The following ADGRV1 variants were observed in gnomAD, a reference collection of about 807,000 sequenced individuals.
ADGRV1 encodes adhesion G protein-coupled receptor V1, also known as G-protein coupled receptor 98.
Under a neutral mutation model 596.2 loss-of-function variants are expected in ADGRV1, and 359 were observed. The ratio of observed to expected loss-of-function variants is 0.60; its 90% CI spans 0.55 to 0.66. The LOEUF is 0.66. Among genes scored for constraint, ADGRV1 ranks in the 30% least tolerant of loss-of-function variants. The pLI is 0.00. For missense variants in ADGRV1, 7,274 were observed against 7,575.6 expected, an observed-to-expected ratio of 0.96 and a Z score of 1.48; for synonymous variants, 2,681 against 2,679.2, an observed-to-expected ratio of 1.00 and a Z score of -0.02.
chr5:91,088,524 A>G (rs181759591), intron 86 of ADGRV1, among the ~76,000 whole-genome samples: 59 of 152,266 alleles, frequency 3.9e-4, no homozygotes, highest in African/African-American at 1.3e-3. Context: ...CCATTTGGGA[A>G]GCTTAGGAAG....
chr5:90,889,845 T>A (rs1770642440), intron 83 of ADGRV1, among the ~76,000 whole-genome samples: 1 of 152,134 alleles, frequency 6.6e-6, no homozygotes, highest in African/African-American at 2.4e-5. Context: ...ACTGACACAT[T>A]TGATAGGAAG....
intron 1 of ADGRV1, among the ~76,000 whole-genome samples, chr5:90,609,811 T>A (rs1762526993): frequency 6.6e-6 from 1 of 152,028 alleles, no homozygotes; most frequent in African/African-American, 2.4e-5. Flanking sequence ...ATGCGTTCAT[T>A]CAATTCTGCA....
intron 86 of ADGRV1, among the ~76,000 whole-genome samples, chr5:91,092,246 C>G (rs938746078): frequency 2.0e-5 from 3 of 152,054 alleles, no homozygotes; most frequent in Non-Finnish European, 4.4e-5. Flanking sequence ...ATTACAGGTG[C>G]CTGCCACCAG....
intron 75 of ADGRV1, among the ~76,000 whole-genome samples, chr5:90,821,670 C>G (rs572770227): frequency 6.6e-6 from 1 of 151,730 alleles, no homozygotes. Context: ...TTGGAATAGC[C>G]TGCCGTGTGA....
chr5:90,681,928 G>A (rs951766020), intron 27 of ADGRV1, among the ~76,000 whole-genome samples: 4 of 150,868 alleles, frequency 2.7e-5, no homozygotes, highest in South Asian at 2.1e-4. Flanking sequence ...GTGCAATGGC[G>A]TGATCTCAGC....
intron 85 of ADGRV1, among the ~76,000 whole-genome samples, chr5:90,992,500 A>G (rs1036900196): frequency 6.6e-6 from 1 of 152,230 alleles, no homozygotes; most frequent in Non-Finnish European, 1.5e-5. Flanking sequence ...TAGGTGTAAA[A>G]AGAACTTTAT....
chr5:91,078,454 C>G (rs1175569670), intron 86 of ADGRV1, among the ~76,000 whole-genome samples: 1 of 152,216 alleles, frequency 6.6e-6, no homozygotes, highest in Non-Finnish European at 1.5e-5. Flanking sequence ...CTCCTCACAT[C>G]AAAGGATGGA....
At chr5:91,135,979 A>G (rs1396186194) in intron 87 of ADGRV1, among the ~76,000 whole-genome samples, 1 of 152,128 alleles carries the variant, frequency 6.6e-6, no homozygotes, top group African/African-American at 2.4e-5. Flanking sequence ...GGGAACCACA[A>G]GTCCACGGGG....
intron 82 of ADGRV1, among the ~76,000 whole-genome samples, chr5:90,863,362 G>T (rs1046768212): frequency 2.6e-4 from 39 of 152,248 alleles, no homozygotes; most frequent in Admixed American, 2.4e-3. Flanking sequence ...AGTCATTGTG[G>T]AGAAAATAGC....
rs1020567583 is a variant in ADGRV1, at chr5:90,753,774, T to C, written c.11322T>C (p.Phe3774=). The change falls in exon 54 of 90, where the codon TTT becomes TTC. Residue 3774 remains phenylalanine (F), a synonymous_variant. Coordinates refer to ENST00000405460, the MANE Select transcript of ADGRV1 (RefSeq NM_032119.4). ...CAACTTTGCCCAATGACTCACCTTT[T>C]GGCTTGGTGGGCTGGCGTGCTGCGT... The part of the protein sequence containing the change: ...VITTLPNDSP[F]GLVGWRAASV... 4 of 1,613,122 alleles carry C rather than the reference T, an allele frequency of 2.5e-6. No homozygotes were observed. Among genetic ancestry groups the C allele is most frequent in the Non-Finnish European group, 3.4e-6 (4 of 1,179,458 alleles).
chr5:90,760,840 C>G (rs1277513244), intron 58 of ADGRV1, among the ~76,000 whole-genome samples: 1 of 152,076 alleles, frequency 6.6e-6, no homozygotes, highest in Non-Finnish European at 1.5e-5. Flanking sequence ...ATATTTGGTA[C>G]CTAGTACTAA....
intron 75 of ADGRV1, among the ~76,000 whole-genome samples, chr5:90,819,439 A>T (rs1483288816): frequency 6.6e-6 from 1 of 150,422 alleles, no homozygotes; most frequent in Non-Finnish European, 1.5e-5. Flanking sequence ...GATTTTAGTT[A>T]TTTCTTGCCT....
rs181992059 is a variant in ADGRV1, at chr5:91,119,921, C to T, written c.18432+17581C>T. ...AGCACTTTGGCTTTGCTTGGCCTTT[C>T]GGACCCTTTTGGCAAAGGAAAATGG... is the stretch of plus-strand genomic sequence containing the variant. On this transcript the variant is annotated intron_variant, in intron 87 of 89. Coordinates refer to ENST00000405460, the MANE Select transcript of ADGRV1 (RefSeq NM_032119.4). Among the ~76,000 whole-genome samples, 127 of 152,306 alleles carry T rather than the reference C, an allele frequency of 8.3e-4. 1 individual carries two copies. The highest frequency in any genetic ancestry group is 6.6e-3 in the East Asian group (34 of 5,178).
intron 1 of ADGRV1, among the ~76,000 whole-genome samples, chr5:90,610,221 T>C (rs1762576285): frequency 6.6e-6 from 1 of 151,960 alleles, no homozygotes; most frequent in Non-Finnish European, 1.5e-5. Flanking sequence ...TAATGACACG[T>C]TGTTGATGAA....
intron 25 of ADGRV1, among the ~76,000 whole-genome samples, chr5:90,678,171 A>G (rs574653039): frequency 1.3e-5 from 2 of 152,144 alleles, no homozygotes; most frequent in Admixed American, 1.3e-4. Context: ...GTATATTCCC[A>G]TCCTATTGAC....
At chr5:90,720,009 CTG>C in intron 43 of ADGRV1, 37 bp from the exon 44 acceptor site, 2 of 1,533,456 alleles carry the variant, frequency 1.3e-6, no homozygotes, top group Non-Finnish European at 1.8e-6. Flanking sequence ...TACAAAAATA[CTG>C]TATTCTAGTA....
At chr5:91,010,608 G>C (rs554852380) in intron 85 of ADGRV1, among the ~76,000 whole-genome samples, 1 of 152,062 alleles carries the variant, frequency 6.6e-6, no homozygotes, top group South Asian at 2.1e-4. Flanking sequence ...TTAAATGACA[G>C]TCACCCCATA....
At chr5:90,706,425 G>A in intron 38 of ADGRV1, 31 bp downstream of exon 38, 1 of 1,504,114 alleles carries the variant, frequency 6.6e-7, no homozygotes, top group Non-Finnish European at 8.9e-7. Flanking sequence ...TAATCTTAGG[G>A]GGAGATAGTT....
intron 84 of ADGRV1, among the ~76,000 whole-genome samples, chr5:90,970,915 G>C (rs1250693564): frequency 6.6e-6 from 1 of 152,146 alleles, no homozygotes; most frequent in African/African-American, 2.4e-5. Flanking sequence ...CTGAGCTAAA[G>C]GAGGAAGTTT....
Sources: allele counts gnomAD v4.1 joint callset (sites outside exome capture counted in the v4.1 genomes callset), GRCh38; gene constraint gnomAD v4.1.1; transcripts MANE v1.5; gene names NCBI Gene and HGNC (gene_info 2026-07-23, HGNC 2026-07-21).